Variants in ERAP1 observed in about 807,000 individuals in gnomAD.
ERAP1 encodes adipocyte-derived leucine aminopeptidase.
ERAP1 carries 86 observed loss-of-function variants against 103.7 expected under a neutral mutation model. That is an observed-to-expected ratio of 0.83 (90% confidence interval 0.70 to 0.99). The LOEUF (loss-of-function observed/expected upper bound fraction) is 0.99, where lower values mean the gene tolerates loss of function less well. ERAP1 is among the 50% of genes least tolerant of loss of function. ERAP1 has a pLI of 0.00. For synonymous variants in ERAP1, 398 were observed against 402.4 expected, an observed-to-expected ratio of 0.99 and a Z score of 0.13; for missense variants, 1,009 against 1,128.4, an observed-to-expected ratio of 0.89 and a Z score of 1.52.
At chr5:96,906,244 C>A in the ERAP1 span, among the ~76,000 whole-genome samples, 1 of 151,686 alleles carries the variant, frequency 6.6e-6, no homozygotes, top group Non-Finnish European at 1.5e-5. Context: ...TCTTCCTCTT[C>A]CTCTTCTACT....
upstream of ERAP1, among the ~76,000 whole-genome samples, chr5:96,809,359 T>C (rs1779010403): frequency 6.6e-6 from 1 of 152,152 alleles, no homozygotes; most frequent in Admixed American, 6.5e-5. Flanking sequence ...GGTTCAAACG[T>C]CTCTGATAAT....
chr5:96,891,543 CACA>C, the ERAP1 span, among the ~76,000 whole-genome samples: 1 of 139,032 alleles, frequency 7.2e-6, no homozygotes, highest in African/African-American at 2.9e-5. Context: ...TATACACACA[CACA>C]CACACACACA....
intron 18 of ERAP1, among the ~76,000 whole-genome samples, chr5:96,778,092 C>T (rs954270139): frequency 2.6e-5 from 4 of 152,190 alleles, no homozygotes; most frequent in African/African-American, 9.7e-5. Flanking sequence ...GCCCCAAACC[C>T]AGCATGTATC....
At chr5:96,879,681 A>G in the ERAP1 span, 1 of 1,611,894 alleles carries the variant, frequency 6.2e-7, no homozygotes, top group Non-Finnish European at 8.5e-7. Flanking sequence ...TAGAGAATAG[A>G]TTTCATGTTC....
intron 15 of ERAP1, among the ~76,000 whole-genome samples, 191 bp from the exon 16 acceptor site, chr5:96,782,045 C>G (rs1451891207): frequency 6.9e-6 from 1 of 144,770 alleles, no homozygotes; most frequent in African/African-American, 2.6e-5. Flanking sequence ...GAGTCTTGCT[C>G]TGTCACCCAG....
chr5:96,903,589 CA>C, the ERAP1 span: 1 of 1,563,152 alleles, frequency 6.4e-7, no homozygotes, highest in Non-Finnish European at 8.7e-7. Flanking sequence ...TGACTTCATG[CA>C]AAATAACTGA....
chr5:96,814,825 A>G, the ERAP1 span, among the ~76,000 whole-genome samples: 1 of 152,226 alleles, frequency 6.6e-6, no homozygotes, highest in Non-Finnish European at 1.5e-5. Flanking sequence ...ATGGAAGCTC[A>G]AAGTTGAAGA....
the ERAP1 span, among the ~76,000 whole-genome samples, chr5:96,927,383 A>C: frequency 6.6e-6 from 1 of 151,850 alleles, no homozygotes; most frequent in Admixed American, 6.6e-5. Flanking sequence ...TTTGGATTTG[A>C]TTTGCTTTTC....
the ERAP1 span, among the ~76,000 whole-genome samples, chr5:96,905,727 T>TA: frequency 6.6e-6 from 1 of 151,780 alleles, no homozygotes; most frequent in Non-Finnish European, 1.5e-5. Flanking sequence ...CTACTAAAAA[T>TA]AAAAAAATTA....
At chr5:96,761,474 T>C (rs1767932993) in exon 20 of ERAP1, 2 of 152,192 alleles carry the variant, frequency 1.3e-5, no homozygotes, top group South Asian at 4.1e-4. Flanking sequence ...CATGCTGAAA[T>C]GAATTTCTGA....
At chr5:96,814,308 A>G in the ERAP1 span, 1 of 456,322 alleles carries the variant, frequency 2.2e-6, no homozygotes, top group Non-Finnish European at 4.4e-6. Context: ...GGTTTCTCTC[A>G]CACTAAAAGA....
the ERAP1 span, among the ~76,000 whole-genome samples, chr5:96,833,706 G>T: frequency 6.6e-6 from 1 of 151,962 alleles, no homozygotes; most frequent in African/African-American, 2.4e-5. Context: ...GCTGAGGCAG[G>T]GGAATCGCTT....
the ERAP1 span, among the ~76,000 whole-genome samples, chr5:96,894,552 G>A: frequency 6.6e-6 from 1 of 152,044 alleles, no homozygotes. Flanking sequence ...AAACATAAAA[G>A]CACATAAAAG....
the ERAP1 span, among the ~76,000 whole-genome samples, chr5:96,828,223 C>T: frequency 9.9e-5 from 15 of 152,248 alleles, no homozygotes; most frequent in African/African-American, 3.6e-4. Flanking sequence ...GGGTAAGCCT[C>T]TAATTTATCG....
At chr5:96,913,357 C>T in the ERAP1 span, 15 of 1,614,020 alleles carry the variant, frequency 9.3e-6, no homozygotes, top group Non-Finnish European at 1.2e-5. Flanking sequence ...TATCAAGACA[C>T]AGAACTTGGC....
At chr5:96,878,514 A>G in the ERAP1 span, among the ~76,000 whole-genome samples, 2 of 152,298 alleles carry the variant, frequency 1.3e-5, no homozygotes, top group East Asian at 3.9e-4. Context: ...TCAGGCATAC[A>G]CTTAAAATTA....
chr5:96,901,656 C>T, the ERAP1 span: 3 of 1,613,958 alleles, frequency 1.9e-6, no homozygotes, highest in African/African-American at 1.3e-5. Flanking sequence ...CCAGGAAGAC[C>T]CTGAATGGAG....
chr5:96,826,483 C>T, the ERAP1 span, among the ~76,000 whole-genome samples: 2 of 152,138 alleles, frequency 1.3e-5, no homozygotes, highest in Admixed American at 6.5e-5. Context: ...GAAAGTAAAA[C>T]TCTTAGGGAT....
At chr5:96,785,286 G>T (rs1775841332) in intron 13 of ERAP1, 1 of 179,308 alleles carries the variant, frequency 5.6e-6, no homozygotes, top group Non-Finnish European at 1.2e-5. Context: ...ATTCCATAAA[G>T]ATGCTGCAAA....
Sources: gnomAD v4.1 joint callset for allele counts (sites outside exome capture counted in the v4.1 genomes callset) on GRCh38, gnomAD v4.1.1 for gene constraint, MANE v1.5 for transcripts, NCBI Gene and HGNC (gene_info 2026-07-23, HGNC 2026-07-21) for gene names.